The following DCLK1 variants were observed in gnomAD, a reference collection of about 807,000 sequenced individuals.
DCLK1 encodes the protein serine/threonine-protein kinase DCLK1.
In DCLK1, 16 loss-of-function variants were observed where a neutral mutation model predicts 86.2. The observed-to-expected ratio is 0.19, with a 90% CI of 0.13 to 0.28. DCLK1 has a LOEUF of 0.28. DCLK1 is among the 10% of genes least tolerant of loss of function. The pLI, the probability that DCLK1 is intolerant of heterozygous loss-of-function variation, is 1.00. For missense variants in DCLK1, 590 were observed against 940.2 expected (o/e 0.63, Z 4.87); for synonymous variants, 369 against 370.5 (o/e 1.00, Z 0.05).
chr13:36,001,460 T>C (rs1360102911), intron 3 of DCLK1, among the ~76,000 whole-genome samples: 5 of 152,150 alleles, frequency 3.3e-5, no homozygotes, highest in Non-Finnish European at 7.3e-5. Context: ...TGGACCTCAG[T>C]CTCCTCCTCT....
intron 4 of DCLK1, among the ~76,000 whole-genome samples, chr13:35,930,686 T>A (rs1876386357): frequency 6.6e-6 from 1 of 152,182 alleles, no homozygotes; most frequent in Non-Finnish European, 1.5e-5. Context: ...TAGACTGAGA[T>A]GATTCCAGCA....
intron 4 of DCLK1, among the ~76,000 whole-genome samples, chr13:35,876,474 T>C (rs567892199): frequency 2.6e-5 from 4 of 152,296 alleles, no homozygotes; most frequent in East Asian, 1.9e-4. Context: ...ACTCCAACCA[T>C]CTTTCCAAAT....
chr13:36,007,308 TCA>T (rs1438032732), intron 3 of DCLK1, among the ~76,000 whole-genome samples: 1 of 152,218 alleles, frequency 6.6e-6, no homozygotes, highest in Non-Finnish European at 1.5e-5. Context: ...TTTTAATATT[TCA>T]CAGTCAGAAG....
At chr13:36,046,292 C>T (rs1340713876) in intron 3 of DCLK1, among the ~76,000 whole-genome samples, 1 of 152,170 alleles carries the variant, frequency 6.6e-6, no homozygotes, top group Non-Finnish European at 1.5e-5. Context: ...CTTAATGGGT[C>T]TCTAATCATC....
chr13:35,902,774 T>C (rs1046575231), intron 4 of DCLK1, among the ~76,000 whole-genome samples: 4 of 152,082 alleles, frequency 2.6e-5, no homozygotes, highest in Middle Eastern at 3.2e-3. Flanking sequence ...CTAACACTTC[T>C]AGCAATTTCA....
At chr13:35,786,819 T>C (rs940988594) in intron 16 of DCLK1, among the ~76,000 whole-genome samples, 6 of 152,112 alleles carry the variant, frequency 3.9e-5, no homozygotes, top group African/African-American at 1.4e-4. Flanking sequence ...TGTAGGTAAA[T>C]TAAATAAATG....
chr13:36,078,918 C>T (rs188629064), intron 3 of DCLK1, among the ~76,000 whole-genome samples: 172 of 152,138 alleles, frequency 1.1e-3, no homozygotes, highest in Non-Finnish European at 2.1e-3. Flanking sequence ...CTCGCTGCAC[C>T]GAGGGAAGGT....
chr13:35,822,050 A>G (rs192980884), intron 11 of DCLK1, among the ~76,000 whole-genome samples: 18 of 152,186 alleles, frequency 1.2e-4, no homozygotes, highest in African/African-American at 4.1e-4. Flanking sequence ...TTTGGATCAT[A>G]TTATTGAGCT....
At chr13:35,995,929 TTTA>T (rs1451050756) in intron 3 of DCLK1, among the ~76,000 whole-genome samples, 2 of 151,320 alleles carry the variant, frequency 1.3e-5, no homozygotes, top group Non-Finnish European at 2.9e-5. Context: ...CTATTTTAAT[TTTA>T]TTATTTCTTT....
At chr13:36,049,162 C>T (rs1883038820) in intron 3 of DCLK1, among the ~76,000 whole-genome samples, 1 of 152,018 alleles carries the variant, frequency 6.6e-6, no homozygotes, top group Admixed American at 6.6e-5. Flanking sequence ...AAAAAGGAAG[C>T]CTTTGTTTTC....
Position 35,811,897 on chromosome 13 carries a change from T to C in DCLK1, c.1555-929A>G, listed in dbSNP as rs370134657. 2.6e-5 allele frequency among the ~76,000 whole-genome samples: 4 copies of C among 152,218 alleles called. No homozygotes were observed. The East Asian group carries it at 7.7e-4, about 29-fold the overall frequency. On this transcript the variant is annotated intron_variant, in intron 11 of 16. Transcript: ENST00000360631. ...TTAGTAACTAAATACAAAAAAACTA[T>C]ACTTATAGTAAAATACTTTATTTTC...
chr13:35,817,625 G>A (rs2087300842), intron 11 of DCLK1, among the ~76,000 whole-genome samples: 1 of 152,052 alleles, frequency 6.6e-6, no homozygotes, highest in South Asian at 2.1e-4. Flanking sequence ...TATTTGATGA[G>A]AATCACCATG....
intron 4 of DCLK1, among the ~76,000 whole-genome samples, chr13:35,916,489 T>G (rs1473929725): frequency 6.6e-6 from 1 of 152,172 alleles, no homozygotes; most frequent in East Asian, 1.9e-4. Context: ...AGCCCAGCCC[T>G]GCCTTCAACA....
At chr13:35,958,001 ATTAT>A (rs1878112897) in intron 3 of DCLK1, among the ~76,000 whole-genome samples, 1 of 147,842 alleles carries the variant, frequency 6.8e-6, no homozygotes, top group African/African-American at 2.5e-5. Context: ...CACCACCACC[ATTAT>A]CACCATCACC....
chr13:36,090,669 G>A (rs1388975564), intron 3 of DCLK1, among the ~76,000 whole-genome samples: 1 of 152,170 alleles, frequency 6.6e-6, no homozygotes, highest in Non-Finnish European at 1.5e-5. Flanking sequence ...GAGCTTGAAC[G>A]CATGCGTGGA....
intron 3 of DCLK1, among the ~76,000 whole-genome samples, chr13:35,953,323 G>A (rs1190704544): frequency 1.3e-5 from 2 of 152,080 alleles, no homozygotes; most frequent in Non-Finnish European, 2.9e-5. Context: ...GTAGGAAAAT[G>A]AGTCTATCAT....
intron 3 of DCLK1, among the ~76,000 whole-genome samples, chr13:35,971,246 T>C (rs1317141334): frequency 6.6e-6 from 1 of 152,164 alleles, no homozygotes; most frequent in African/African-American, 2.4e-5. Context: ...CAGAGAATGA[T>C]TGATTGGCTT....
chr13:35,840,292 TCTACAGTATC>T (rs1869699409), intron 6 of DCLK1, among the ~76,000 whole-genome samples: 1 of 152,208 alleles, frequency 6.6e-6, no homozygotes, highest in African/African-American at 2.4e-5. Context: ...TTCATTATGG[TCTACAGTATC>T]CTGCATAGGA....
intron 3 of DCLK1, among the ~76,000 whole-genome samples, chr13:36,090,764 C>G (rs377088732): frequency 2.0e-5 from 3 of 151,980 alleles, no homozygotes; most frequent in African/African-American, 7.3e-5. Context: ...CGAATGCTCT[C>G]GTGAGGTCAG....
Sources: allele counts gnomAD v4.1 joint callset (sites outside exome capture counted in the v4.1 genomes callset), GRCh38; gene constraint gnomAD v4.1.1; transcripts MANE v1.5; gene names NCBI Gene and HGNC (gene_info 2026-07-23, HGNC 2026-07-21).